Variants in ABCB7 observed in about 807,000 individuals in gnomAD.
ABCB7 encodes ATP binding cassette subfamily B member 7.
ABCB7 carries 7 observed loss-of-function variants against 54.4 expected under a neutral mutation model. The ratio of observed to expected loss-of-function variants is 0.13; its 90% confidence interval spans 0.07 to 0.24. ABCB7 has a LOEUF of 0.24. ABCB7 is among the 10% of genes least tolerant of loss of function. The pLI is 1.00. For synonymous variants in ABCB7, 218 were observed against 207.1 expected, an observed-to-expected ratio of 1.05 and a Z score of -0.45; for missense variants, 356 against 570.4, an observed-to-expected ratio of 0.62 and a Z score of 3.83.
Position 75,065,254 on chromosome X carries a change from T to C in ABCB7, c.1660-13A>G, listed in dbSNP as rs780837346. On this transcript the variant is annotated splice_polypyrimidine_tract_variant and intron_variant, in intron 12 of 15. Coordinates refer to ENST00000373394, the MANE Select transcript of ABCB7 (RefSeq NM_001271696.3). ...AGAGGACAGCATCCTGAAGCAGATA[T>C]ACTGAATGAATATATATCTATATCT... 19 of 1,160,633 alleles carry C rather than the reference T, an allele frequency of 1.6e-5. No individual in the cohort carries two copies. The highest frequency in any genetic ancestry group is 2.0e-5 in the Non-Finnish European group (17 of 852,645).
At chrX:75,124,989 G>A (rs776931826) in intron 1 of ABCB7, among the ~76,000 whole-genome samples, 1 of 111,906 alleles carries the variant, frequency 8.9e-6, no homozygotes, top group East Asian at 2.8e-4. Context: ...GAACCCTCAA[G>A]CACATTTCTT....
intron 1 of ABCB7, among the ~76,000 whole-genome samples, chrX:75,148,447 G>A (rs2082108443): frequency 9.8e-6 from 1 of 102,323 alleles, no homozygotes; most frequent in South Asian, 4.5e-4. Context: ...CTATGTATTT[G>A]CATATACATA....
At position 75,051,788 on chromosome X, in the gene ABCB7, T is replaced by C. The variant is rs2081197609; in HGVS notation, c.*1582A>G. 1.8e-5 allele frequency: 2 copies of C among 112,642 alleles called. No homozygotes were observed. Among genetic ancestry groups the C allele is most frequent in the Non-Finnish European group, 3.8e-5 (2 of 53,313 alleles). The allele number at this position is 112,642 out of a possible 1,213,427, so 9.3% of individuals were successfully genotyped here. A position where few individuals can be genotyped will look rare whatever the true frequency, so the allele number is the denominator to read the frequency against. On this transcript the variant is annotated 3_prime_UTR_variant, in exon 16 of 16. Coordinates refer to ENST00000373394, the MANE Select transcript of ABCB7 (RefSeq NM_001271696.3). ...ATGTAATACTCTATTTACCTAAATG[T>C]TAATATTTTTTAAATGGACACTGAT...
chrX:75,106,150 T>A (rs2081698723), intron 3 of ABCB7, among the ~76,000 whole-genome samples: 1 of 110,658 alleles, frequency 9.0e-6, no homozygotes, highest in African/African-American at 3.3e-5. Context: ...GCAAAATAAA[T>A]AATTAACAGA....
intron 4 of ABCB7, among the ~76,000 whole-genome samples, chrX:75,086,786 T>G (rs1156494881): frequency 9.0e-6 from 1 of 111,340 alleles, no homozygotes; most frequent in African/African-American, 3.3e-5. Context: ...GAGGCCCCAC[T>G]AAACAAACAG....
intron 3 of ABCB7, among the ~76,000 whole-genome samples, chrX:75,108,015 G>A (rs750001099): frequency 1.9e-5 from 2 of 103,504 alleles, no homozygotes; most frequent in East Asian, 3.2e-4. Flanking sequence ...ACCACAAGCT[G>A]ACTGAAGAGC....
At chrX:75,130,130 T>C (rs184803441) in intron 1 of ABCB7, among the ~76,000 whole-genome samples, 1 of 112,025 alleles carries the variant, frequency 8.9e-6, no homozygotes, top group African/African-American at 3.2e-5. Flanking sequence ...GTCATATTAC[T>C]GACTGATAAC....
intron 4 of ABCB7, among the ~76,000 whole-genome samples, chrX:75,087,701 T>C (rs1349783952): frequency 1.8e-5 from 2 of 112,066 alleles, no homozygotes; most frequent in Non-Finnish European, 3.8e-5. Context: ...TAATGTAATA[T>C]TTGTAAGAAA....
chrX:75,143,946 CA>C (rs2082072898), intron 1 of ABCB7, among the ~76,000 whole-genome samples: 1 of 110,956 alleles, frequency 9.0e-6, no homozygotes, highest in African/African-American at 3.3e-5. Context: ...TTCAAATACC[CA>C]TTTATAGTCT....
At chrX:75,127,342 T>C (rs981618783) in intron 1 of ABCB7, among the ~76,000 whole-genome samples, 1 of 111,545 alleles carries the variant, frequency 9.0e-6, no homozygotes, top group African/African-American at 3.3e-5. Context: ...GAAAACACCT[T>C]CGATAAAATT....
intron 3 of ABCB7, among the ~76,000 whole-genome samples, chrX:75,101,225 C>T (rs1449272793): frequency 1.8e-5 from 2 of 108,873 alleles, no homozygotes; most frequent in East Asian, 2.9e-4. Flanking sequence ...TATATAATTT[C>T]GAGTAGATTT....
chrX:75,083,491 G>A (rs960474299), intron 4 of ABCB7, among the ~76,000 whole-genome samples: 6 of 111,534 alleles, frequency 5.4e-5, no homozygotes, highest in African/African-American at 2.0e-4. Context: ...TAGTAAGGAT[G>A]TCAATTCTAC....
intron 4 of ABCB7, among the ~76,000 whole-genome samples, chrX:75,093,140 C>T (rs1439410203): frequency 3.6e-5 from 4 of 111,827 alleles, no homozygotes; most frequent in Middle Eastern, 4.6e-3. Flanking sequence ...TTATTAATGA[C>T]GGCCAAAATC....
intron 1 of ABCB7, among the ~76,000 whole-genome samples, chrX:75,132,967 T>C (rs2081985912): frequency 8.9e-6 from 1 of 111,968 alleles, no homozygotes; most frequent in African/African-American, 3.3e-5. Context: ...TCCCTAGCAA[T>C]GGTTCTTAAC....
chrX:75,073,611 A>G (rs2081383268), intron 8 of ABCB7, 78 bp downstream of exon 8: 2 of 768,741 alleles, frequency 2.6e-6, no homozygotes, highest in East Asian at 6.3e-5. Context: ...TCTAATTTAC[A>G]GTACCTATTA....
chrX:75,108,627 A>C (rs1569234876), intron 3 of ABCB7, among the ~76,000 whole-genome samples: 1 of 110,275 alleles, frequency 9.1e-6, no homozygotes, highest in African/African-American at 3.3e-5. Context: ...AAATTCAGAT[A>C]GAGTCACTAA....
intron 4 of ABCB7, chrX:75,097,654 G>A (rs1445252654): frequency 9.0e-6 from 1 of 111,472 alleles, no homozygotes; most frequent in Non-Finnish European, 1.9e-5. Flanking sequence ...TAAGTGGTAA[G>A]AACTGGGTTC....
chrX:75,154,557 T>G (rs1455394451), intron 1 of ABCB7, among the ~76,000 whole-genome samples: 1 of 112,058 alleles, frequency 8.9e-6, no homozygotes, highest in Non-Finnish European at 1.9e-5. Context: ...TTTCCTATCT[T>G]GAATGACTCA....
At chrX:75,059,214 G>A (rs1055997509) in intron 15 of ABCB7, among the ~76,000 whole-genome samples, 1 of 110,851 alleles carries the variant, frequency 9.0e-6, no homozygotes, top group East Asian at 2.8e-4. Context: ...GATGGTTCAC[G>A]CCTGTAATCC....
Sources: gnomAD v4.1 joint callset for allele counts (sites outside exome capture counted in the v4.1 genomes callset) on GRCh38, gnomAD v4.1.1 for gene constraint, MANE v1.5 for transcripts, NCBI Gene and HGNC (gene_info 2026-07-23, HGNC 2026-07-21) for gene names.